The following PTPRM variants were observed in gnomAD, a reference collection of about 807,000 sequenced individuals.
The protein encoded by PTPRM is protein tyrosine phosphatase receptor type M.
PTPRM carries 47 observed loss-of-function variants against 186.7 expected under a neutral mutation model. That is an observed-to-expected ratio of 0.25 (90% CI 0.20 to 0.32). PTPRM has a LOEUF of 0.32. Among genes scored for constraint, PTPRM ranks in the 10% least tolerant of loss-of-function variants. The pLI is 1.00. For missense variants in PTPRM, 1,494 were observed against 1,865.0 expected (o/e 0.80, Z 3.66); for synonymous variants, 668 against 674.9 (o/e 0.99, Z 0.16).
chr18:8,345,586 G>T (rs2095500761), intron 23 of PTPRM, among the ~76,000 whole-genome samples: 1 of 151,798 alleles, frequency 6.6e-6, no homozygotes, highest in Admixed American at 6.6e-5. Context: ...ATGTACCAGT[G>T]TATTTATAGG....
chr18:7,892,996 C>A (rs2049160222), intron 3 of PTPRM, among the ~76,000 whole-genome samples: 1 of 152,164 alleles, frequency 6.6e-6, no homozygotes, highest in Non-Finnish European at 1.5e-5. Context: ...GGGGAGTACA[C>A]AAACATTCAG....
intron 31 of PTPRM, among the ~76,000 whole-genome samples, chr18:8,393,549 T>C (rs2095828569): frequency 6.6e-6 from 1 of 152,200 alleles, no homozygotes. Flanking sequence ...GTGGAGGAAC[T>C]AGTAAGATGT....
chr18:8,291,939 G>T (rs186388409), intron 19 of PTPRM, among the ~76,000 whole-genome samples: 7 of 152,118 alleles, frequency 4.6e-5, no homozygotes, highest in Non-Finnish European at 1.5e-5. Context: ...AATAAAGGAA[G>T]TGTATCTGCC....
intron 1 of PTPRM, among the ~76,000 whole-genome samples, chr18:7,728,469 G>A (rs1377634367): frequency 2.0e-5 from 3 of 152,336 alleles, no homozygotes; most frequent in South Asian, 2.1e-4. Flanking sequence ...TGCATAAGGC[G>A]CAAATTCCTG....
intron 7 of PTPRM, among the ~76,000 whole-genome samples, chr18:8,001,789 G>A (rs1368813470): frequency 6.6e-6 from 1 of 152,152 alleles, no homozygotes; most frequent in African/African-American, 2.4e-5. Flanking sequence ...AATAACATCA[G>A]GTAGCCATGT....
At chr18:7,633,805 C>T (rs2038247463) in intron 1 of PTPRM, among the ~76,000 whole-genome samples, 1 of 152,184 alleles carries the variant, frequency 6.6e-6, no homozygotes, top group African/African-American at 2.4e-5. Flanking sequence ...TGCCTACATT[C>T]AGCCAGTCAG....
intron 10 of PTPRM, 39 bp from the exon 11 acceptor site, chr18:8,088,710 A>G (rs1351533363): frequency 1.4e-6 from 2 of 1,476,452 alleles, no homozygotes; most frequent in Non-Finnish European, 9.5e-7. Flanking sequence ...AAGATAAACC[A>G]GAAATAATGA....
intron 13 of PTPRM, among the ~76,000 whole-genome samples, chr18:8,132,753 G>T (rs1478913486): frequency 6.6e-6 from 1 of 152,092 alleles, no homozygotes; most frequent in South Asian, 2.1e-4. Context: ...CCTAGTTAAC[G>T]TTCTAGTCAT....
chr18:7,744,014 C>T (rs1486093497), intron 1 of PTPRM, among the ~76,000 whole-genome samples: 4 of 152,106 alleles, frequency 2.6e-5, no homozygotes, highest in South Asian at 4.1e-4. Flanking sequence ...AAGCATCACA[C>T]GTGGATTTAT....
chr18:7,611,943 G>A (rs930228551), intron 1 of PTPRM, among the ~76,000 whole-genome samples: 2 of 152,138 alleles, frequency 1.3e-5, no homozygotes, highest in African/African-American at 2.4e-5. Flanking sequence ...ACTGATACAA[G>A]GCTCTACCAT....
At chr18:8,111,881 G>A (rs1342125208) in intron 11 of PTPRM, among the ~76,000 whole-genome samples, 1 of 152,126 alleles carries the variant, frequency 6.6e-6, no homozygotes, top group Non-Finnish European at 1.5e-5. Context: ...CCCTCCAAAA[G>A]CGATTTCAAG....
At chr18:8,117,612 C>T (rs958439558) in intron 13 of PTPRM, among the ~76,000 whole-genome samples, 1 of 152,096 alleles carries the variant, frequency 6.6e-6, no homozygotes, top group South Asian at 2.1e-4. Context: ...AAAACCTAAG[C>T]TGTATTATTA....
intron 1 of PTPRM, among the ~76,000 whole-genome samples, chr18:7,639,926 A>C (rs2144165949): frequency 6.6e-6 from 1 of 152,362 alleles, no homozygotes; most frequent in South Asian, 2.1e-4. Flanking sequence ...TTACTAAAGA[A>C]GGAAATAGCC....
chr18:8,369,302 TAGG>T (rs2095650327), intron 23 of PTPRM, among the ~76,000 whole-genome samples: 2 of 152,346 alleles, frequency 1.3e-5, no homozygotes, highest in Admixed American at 1.3e-4. Flanking sequence ...TAGTTAGAAA[TAGG>T]AGATTCTTGA....
chr18:8,063,654 G>C (rs998284564), intron 7 of PTPRM, among the ~76,000 whole-genome samples: 2 of 151,982 alleles, frequency 1.3e-5, no homozygotes, highest in African/African-American at 4.8e-5. Flanking sequence ...TATGGATTTA[G>C]GGGTACAAGT....
At chr18:8,318,361 A>G (rs1601784465) in intron 21 of PTPRM, among the ~76,000 whole-genome samples, 1 of 126,640 alleles carries the variant, frequency 7.9e-6, no homozygotes, top group Non-Finnish European at 1.5e-5. Flanking sequence ...CAGTGGTGCA[A>G]TCTTGGCTCA....
chr18:8,014,951 TC>T (rs1309872786), intron 7 of PTPRM, among the ~76,000 whole-genome samples: 1 of 152,124 alleles, frequency 6.6e-6, no homozygotes, highest in Admixed American at 6.6e-5. Flanking sequence ...AAATGGTTGT[TC>T]ATCTCTGCCC....
chr18:7,885,324 G>A (rs866979047), intron 2 of PTPRM, among the ~76,000 whole-genome samples: 5 of 151,994 alleles, frequency 3.3e-5, no homozygotes, highest in Non-Finnish European at 4.4e-5. Flanking sequence ...TTCTTCACCC[G>A]TTCTTACAGT....
At chr18:8,166,204 C>G (rs2093321348) in intron 14 of PTPRM, among the ~76,000 whole-genome samples, 1 of 152,158 alleles carries the variant, frequency 6.6e-6, no homozygotes, top group Non-Finnish European at 1.5e-5. Flanking sequence ...CTCCTCCCAG[C>G]TCTGAGAAGT....
Sources: allele counts gnomAD v4.1 joint callset (sites outside exome capture counted in the v4.1 genomes callset), GRCh38; gene constraint gnomAD v4.1.1; transcripts MANE v1.5; gene names NCBI Gene and HGNC (gene_info 2026-07-23, HGNC 2026-07-21).